The following MAP3K20 variants were observed in gnomAD, a reference collection of about 807,000 sequenced individuals.
The protein encoded by MAP3K20 is mitogen-activated protein kinase kinase kinase 20, also known as HCCS-4.
Under a neutral mutation model 85.7 loss-of-function variants are expected in MAP3K20, and 40 were observed. The ratio of observed to expected loss-of-function variants is 0.47; its 90% CI spans 0.36 to 0.61. The LOEUF (loss-of-function observed/expected upper bound fraction) is 0.61. Among genes scored for constraint, MAP3K20 ranks in the 20% least tolerant of loss-of-function variants. The pLI is 0.00. For synonymous variants in MAP3K20, 325 were observed against 327.7 expected (o/e 0.99, Z 0.09); for missense variants, 817 against 961.7 (o/e 0.85, Z 1.99).
At chr2:173,185,062 A>AG (rs1690446561) in intron 4 of MAP3K20, among the ~76,000 whole-genome samples, 1 of 152,062 alleles carries the variant, frequency 6.6e-6, no homozygotes, top group Non-Finnish European at 1.5e-5. Flanking sequence ...ACCAACATGG[A>AG]GAAACCCTGT....
At chr2:173,242,699 CTTTTT>C (rs68173816) in intron 16 of MAP3K20, among the ~76,000 whole-genome samples, 2 of 80,974 alleles carry the variant, frequency 2.5e-5, no homozygotes, top group African/African-American at 4.9e-5. Context: ...AGTAATCTTT[CTTTTT>C]TTTTTTTTTT....
chr2:173,237,254 T>C (rs1237224579), intron 14 of MAP3K20, among the ~76,000 whole-genome samples: 2 of 151,816 alleles, frequency 1.3e-5, no homozygotes, highest in Non-Finnish European at 2.9e-5. Context: ...GTCTCGAACT[T>C]CTGACCTCAT....
At chr2:173,263,995 G>C in intron 19 of MAP3K20, 100 bp downstream of exon 19, 1 of 1,451,472 alleles carries the variant, frequency 6.9e-7, no homozygotes, top group Non-Finnish European at 9.2e-7. Flanking sequence ...ACCTCAATCA[G>C]TTAAGATCTA....
intron 4 of MAP3K20, among the ~76,000 whole-genome samples, chr2:173,185,182 G>C (rs1050524954): frequency 1.3e-5 from 2 of 151,962 alleles, no homozygotes; most frequent in East Asian, 1.9e-4. Context: ...CGGAGGTTGC[G>C]GTGAGCCAAG....
At chr2:173,170,967 C>T (rs1476282301) in intron 3 of MAP3K20, among the ~76,000 whole-genome samples, 1 of 152,130 alleles carries the variant, frequency 6.6e-6, no homozygotes, top group Admixed American at 6.5e-5. Flanking sequence ...ACTGTTATAC[C>T]ATCTTCTGGC....
At chr2:173,107,321 G>T (rs1687810490) in intron 2 of MAP3K20, among the ~76,000 whole-genome samples, 1 of 152,178 alleles carries the variant, frequency 6.6e-6, no homozygotes, top group South Asian at 2.1e-4. Flanking sequence ...GGAGGCAAGG[G>T]AAGGTTTAGA....
Position 173,201,653 on chromosome 2 carries a change from T to C in MAP3K20, c.670-2143T>C, listed in dbSNP as rs186972789. On this transcript the variant is annotated intron_variant, in intron 8 of 19. Coordinates refer to ENST00000375213, the MANE Select transcript of MAP3K20 (RefSeq NM_016653.3). Reference sequence around the variant, plus strand: ...GAAATATTTTAATTTGAAACTTTTATTTAAAAATATTTGTTTTAAGTAGTA... The same window carrying C: ...GAAATATTTTAATTTGAAACTTTTACTTAAAAATATTTGTTTTAAGTAGTA... 2.5e-3 allele frequency among the ~76,000 whole-genome samples: 377 copies of C among 152,348 alleles called. 1 individual carries two copies. The highest frequency in any genetic ancestry group is 4.3e-3 in the Non-Finnish European group (291 of 68,014).
chr2:173,155,108 TGA>T (rs1171688904), intron 2 of MAP3K20, among the ~76,000 whole-genome samples: 1 of 152,028 alleles, frequency 6.6e-6, no homozygotes, highest in Non-Finnish European at 1.5e-5. Context: ...AGCGATATCC[TGA>T]GAGAAGAGGG....
intron 3 of MAP3K20, among the ~76,000 whole-genome samples, chr2:173,182,004 C>T (rs1011918993): frequency 2.6e-5 from 4 of 151,872 alleles, no homozygotes; most frequent in South Asian, 2.1e-4. Flanking sequence ...CACAGTGAGC[C>T]GAGATCAAGG....
intron 14 of MAP3K20, among the ~76,000 whole-genome samples, chr2:173,236,939 A>G (rs1330432294): frequency 6.7e-6 from 1 of 149,592 alleles, no homozygotes; most frequent in Non-Finnish European, 1.5e-5. Flanking sequence ...GGAAGGCACA[A>G]TTGTTGTGTA....
At chr2:173,098,698 A>G (rs1220056897) in intron 2 of MAP3K20, among the ~76,000 whole-genome samples, 2 of 152,224 alleles carry the variant, frequency 1.3e-5, no homozygotes, top group Admixed American at 1.3e-4. Flanking sequence ...CCACATGCCT[A>G]GTCTCTTCCC....
At position 173,133,996 on chromosome 2, in the gene MAP3K20, AC is replaced by A. The variant is rs1381169106; in HGVS notation, c.160-35808del. Among the ~76,000 whole-genome samples, 47 of 98,124 alleles carry A rather than the reference AC, an allele frequency of 4.8e-4. 1 individual carries two copies. The highest frequency in any genetic ancestry group is 5.7e-4 in the Admixed American group (5 of 8,752). 64.4% of individuals were successfully genotyped at this position (98,124 alleles called of 152,430 possible). ...ACAGAGCGATATTCCATCTCAAAAA[AC>A]AAAAAACAAAAAACAAAAACATTCA... On this transcript the variant is annotated intron_variant, in intron 2 of 19. Coordinates refer to ENST00000375213, the MANE Select transcript of MAP3K20 (RefSeq NM_016653.3).
At chr2:173,238,584 G>A (rs1684706226) in intron 15 of MAP3K20, 149 bp downstream of exon 15, 1 of 688,984 alleles carries the variant, frequency 1.5e-6, no homozygotes, top group Non-Finnish European at 2.4e-6. Flanking sequence ...TTGAAGCAAG[G>A]GAAGTGTATA....
intron 12 of MAP3K20, among the ~76,000 whole-genome samples, chr2:173,230,457 C>T (rs1182257516): frequency 6.6e-6 from 1 of 152,128 alleles, no homozygotes; most frequent in Non-Finnish European, 1.5e-5. Context: ...GAAAGTGAGG[C>T]ATCATATTTG....
At chr2:173,232,047 C>T (rs1041683652) in intron 12 of MAP3K20, 145 bp from the exon 13 acceptor site, 1 of 1,024,812 alleles carries the variant, frequency 9.8e-7, no homozygotes, top group African/African-American at 1.6e-5. Flanking sequence ...TTTAAAACTA[C>T]AAAGAGAAAG....
intron 7 of MAP3K20, among the ~76,000 whole-genome samples, chr2:173,195,788 C>A (rs1051500620): frequency 6.6e-6 from 1 of 152,164 alleles, no homozygotes; most frequent in African/African-American, 2.4e-5. Flanking sequence ...GACATAGCAG[C>A]TAATGACCCC....
intron 3 of MAP3K20, among the ~76,000 whole-genome samples, chr2:173,181,695 A>G (rs1690331455): frequency 6.6e-6 from 1 of 152,174 alleles, no homozygotes; most frequent in Admixed American, 6.5e-5. Flanking sequence ...ACAGAATAGT[A>G]TTCGGCAATA....
intron 3 of MAP3K20, among the ~76,000 whole-genome samples, chr2:173,179,702 G>GCA (rs1491499756): frequency 7.9e-4 from 60 of 76,074 alleles, no homozygotes; most frequent in African/African-American, 2.5e-3. Flanking sequence ...CCTAAGGAAT[G>GCA]CGCACACACA....
At chr2:173,180,960 A>G (rs1281441682) in intron 3 of MAP3K20, among the ~76,000 whole-genome samples, 1 of 152,206 alleles carries the variant, frequency 6.6e-6, no homozygotes, top group Non-Finnish European at 1.5e-5. Flanking sequence ...GACAAATGAC[A>G]AACTGGGAAA....
Sources: gnomAD v4.1 joint callset for allele counts (sites outside exome capture counted in the v4.1 genomes callset) on GRCh38, gnomAD v4.1.1 for gene constraint, MANE v1.5 for transcripts, NCBI Gene and HGNC (gene_info 2026-07-23, HGNC 2026-07-21) for gene names.